Variants in LCLAT1 observed in about 807,000 individuals in gnomAD.
LCLAT1 encodes 1-AGP acyltransferase 8.
LCLAT1 carries 11 observed loss-of-function variants against 30.7 expected under a neutral mutation model. The ratio of observed to expected loss-of-function variants is 0.36; its 90% CI spans 0.23 to 0.59. The LOEUF is 0.59. LCLAT1 is among the 20% of genes least tolerant of loss of function. The pLI is 0.77. For missense variants in LCLAT1, 402 were observed against 458.6 expected, an observed-to-expected ratio of 0.88 and a Z score of 1.13; for synonymous variants, 155 against 151.3, an observed-to-expected ratio of 1.02 and a Z score of -0.18.
At chr2:30,467,453 A>G (rs906718279) in intron 1 of LCLAT1, among the ~76,000 whole-genome samples, 3 of 152,238 alleles carry the variant, frequency 2.0e-5, no homozygotes, top group African/African-American at 7.2e-5. Flanking sequence ...GTATATACCC[A>G]GTAATGGGAT....
At chr2:30,576,173 A>G (rs1229057187) in intron 5 of LCLAT1, among the ~76,000 whole-genome samples, 4 of 152,174 alleles carry the variant, frequency 2.6e-5, no homozygotes, top group Non-Finnish European at 5.9e-5. Context: ...AAAAATGCTG[A>G]TAACTGTGAC....
intron 5 of LCLAT1, among the ~76,000 whole-genome samples, chr2:30,632,296 T>C (rs1009798065): frequency 6.6e-6 from 1 of 152,190 alleles, no homozygotes; most frequent in African/African-American, 2.4e-5. Flanking sequence ...CAACAAAAGA[T>C]GGGACAGGTG....
Position 30,605,869 on chromosome 2 carries a change from A to C in LCLAT1, c.629-34248A>C, listed in dbSNP as rs541869355. 1.2e-5 allele frequency: 5 copies of C among 401,142 alleles called. No homozygotes were observed. In the East Asian group the frequency reaches 6.3e-4, roughly 51 times the overall value. The allele number at this position is 401,142 out of a possible 1,614,324, so 24.8% of individuals were successfully genotyped here. On this transcript the variant is annotated intron_variant, in intron 5 of 5. Coordinates refer to ENST00000379509, the MANE Select transcript of LCLAT1 (RefSeq NM_001002257.3). ...GGAGGGAGTGGGGGGATGGTTTCGG[A>C]ATGAAACTGTTCCACCTCAGATCAT...
At chr2:30,461,680 C>G (rs748142251) in intron 1 of LCLAT1, among the ~76,000 whole-genome samples, 2 of 152,098 alleles carry the variant, frequency 1.3e-5, no homozygotes, top group Non-Finnish European at 2.9e-5. Flanking sequence ...CTTTACTTAA[C>G]CCTTTGGGTT....
intron 1 of LCLAT1, among the ~76,000 whole-genome samples, chr2:30,479,540 C>T (rs1683223848): frequency 6.6e-6 from 1 of 152,134 alleles, no homozygotes. Flanking sequence ...AGCCACCATG[C>T]CTGGCTGTGT....
chr2:30,485,265 G>C (rs939368832), intron 1 of LCLAT1, among the ~76,000 whole-genome samples: 46 of 152,142 alleles, frequency 3.0e-4, no homozygotes, highest in African/African-American at 1.1e-3. Flanking sequence ...AAGCTGACTA[G>C]AAAGATATAT....
chr2:30,623,805 A>G (rs1035797745), intron 5 of LCLAT1, among the ~76,000 whole-genome samples: 1 of 152,244 alleles, frequency 6.6e-6, no homozygotes, highest in Admixed American at 6.5e-5. Context: ...CTAGGCACAT[A>G]GTCATCAGGT....
intron 5 of LCLAT1, among the ~76,000 whole-genome samples, chr2:30,628,830 A>G (rs1225102353): frequency 6.6e-6 from 1 of 152,208 alleles, no homozygotes; most frequent in Admixed American, 6.5e-5. Flanking sequence ...AATATAGGAT[A>G]CATGTATATT....
chr2:30,607,501 A>T (rs941430864), intron 5 of LCLAT1: 1 of 152,096 alleles, frequency 6.6e-6, no homozygotes, highest in Admixed American at 6.5e-5. Context: ...ACCTGGTGAC[A>T]TCATCACATG....
intron 5 of LCLAT1, among the ~76,000 whole-genome samples, chr2:30,601,823 T>TATAG (rs775738008): frequency 1.3e-5 from 2 of 151,638 alleles, no homozygotes; most frequent in Non-Finnish European, 1.5e-5. Flanking sequence ...CATATATATC[T>TATAG]ATAGATAGAT....
intron 5 of LCLAT1, among the ~76,000 whole-genome samples, chr2:30,576,428 G>C (rs1665996025): frequency 6.6e-6 from 1 of 152,088 alleles, no homozygotes; most frequent in African/African-American, 2.4e-5. Context: ...TGGCAGATGG[G>C]CACTACATGT....
Position 30,456,418 on chromosome 2 carries a change from T to C in LCLAT1, c.-5+9035T>C, listed in dbSNP as rs576479670. On this transcript the variant is annotated intron_variant, in intron 1 of 5. Coordinates refer to ENST00000379509, the MANE Select transcript of LCLAT1 (RefSeq NM_001002257.3). ...TCCCTGGCAGGGGAAGGGGGTCTTA[T>C]TACCACCTGGCAGGGAAGTCTAGAC... Among the ~76,000 whole-genome samples the C allele has an allele frequency of 4.6e-5, 4 of 87,182 alleles. No individual in the cohort carries two copies. In the South Asian group the frequency reaches 1.6e-3, roughly 35 times the overall value. The allele number at this position is 87,182 out of a possible 152,430, so 57.2% of individuals were successfully genotyped here.
At chr2:30,568,578 G>A (rs1343544621) in intron 5 of LCLAT1, among the ~76,000 whole-genome samples, 5 of 145,164 alleles carry the variant, frequency 3.4e-5, no homozygotes, top group Non-Finnish European at 6.0e-5. Context: ...TGCTATCTCG[G>A]CTCACTGCAA....
intron 5 of LCLAT1, among the ~76,000 whole-genome samples, chr2:30,587,269 G>C (rs1666485672): frequency 2.0e-5 from 3 of 151,876 alleles, no homozygotes; most frequent in Admixed American, 2.0e-4. Flanking sequence ...AGAATCTTCT[G>C]TTCTCTTTTT....
intron 5 of LCLAT1, among the ~76,000 whole-genome samples, chr2:30,627,264 C>T (rs1440593681): frequency 2.6e-5 from 4 of 152,124 alleles, no homozygotes; most frequent in South Asian, 4.1e-4. Flanking sequence ...CCCCATTGGT[C>T]GAGTACTCTG....
chr2:30,518,771 T>C (rs1685320473), intron 1 of LCLAT1, among the ~76,000 whole-genome samples: 1 of 152,222 alleles, frequency 6.6e-6, no homozygotes, highest in Non-Finnish European at 1.5e-5. Context: ...CTGTACATCC[T>C]GACTCTCAAT....
At chr2:30,538,111 C>T (rs1054569961) in intron 3 of LCLAT1, among the ~76,000 whole-genome samples, 1 of 151,906 alleles carries the variant, frequency 6.6e-6, no homozygotes, top group African/African-American at 2.4e-5. Context: ...GCAGTAAATG[C>T]CTACATCAAA....
rs375231011 is a variant in LCLAT1, at chr2:30,533,944, A to C, written c.364+630A>C. Among the ~76,000 whole-genome samples, 13 of 152,320 alleles carry C rather than the reference A, an allele frequency of 8.5e-5. 1 individual carries two copies. Among genetic ancestry groups the C allele is most frequent in the African/African-American group, 3.1e-4 (13 of 41,562 alleles). ...GCCTCCTTTCTCAACTTGCTACTTA[A>C]TGTGAAAAAGGGAGGGGAAAGATTA... On this transcript the variant is annotated intron_variant, in intron 3 of 5. Coordinates refer to ENST00000379509, the MANE Select transcript of LCLAT1 (RefSeq NM_001002257.3).
intron 4 of LCLAT1, among the ~76,000 whole-genome samples, chr2:30,567,475 A>G (rs74531053): frequency 6.6e-6 from 1 of 152,092 alleles, no homozygotes; most frequent in Non-Finnish European, 1.5e-5. Context: ...ATGCTTATCT[A>G]CTATATGCTT....
Sources: allele counts gnomAD v4.1 joint callset (sites outside exome capture counted in the v4.1 genomes callset), GRCh38; gene constraint gnomAD v4.1.1; transcripts MANE v1.5; gene names NCBI Gene and HGNC (gene_info 2026-07-23, HGNC 2026-07-21).